RAPGEF1: variants seen among roughly 807,000 people sequenced by gnomAD.
RAPGEF1 encodes CRK SH3-binding GNRP.
Under a neutral mutation model 143.3 loss-of-function variants are expected in RAPGEF1, and 33 were observed. The observed-to-expected ratio is 0.23, with a 90% confidence interval of 0.17 to 0.31. RAPGEF1 has a LOEUF of 0.31. RAPGEF1 is among the 10% of genes least tolerant of loss of function. RAPGEF1 has a pLI of 1.00. For synonymous variants in RAPGEF1, 629 were observed against 676.5 expected, an observed-to-expected ratio of 0.93 and a Z score of 1.09; for missense variants, 1,199 against 1,645.4, an observed-to-expected ratio of 0.73 and a Z score of 4.69.
intron 1 of RAPGEF1, among the ~76,000 whole-genome samples, chr9:131,674,625 G>A (rs1427247754): frequency 6.6e-6 from 1 of 152,194 alleles, no homozygotes; most frequent in East Asian, 1.9e-4. Context: ...GGCGGTGGGC[G>A]CGTGGAGGTG....
At chr9:131,627,815 A>G (rs1963692058) in intron 9 of RAPGEF1, 98 bp downstream of exon 9, 2 of 1,276,844 alleles carry the variant, frequency 1.6e-6, no homozygotes, top group Non-Finnish European at 2.2e-6. Context: ...AAAGCCACGT[A>G]GTCAATGATT....
intron 1 of RAPGEF1, among the ~76,000 whole-genome samples, chr9:131,656,748 T>A (rs1972576580): frequency 6.6e-6 from 1 of 151,736 alleles, no homozygotes; most frequent in Non-Finnish European, 1.5e-5. Context: ...CCCTCTCAGG[T>A]TCATGCAAGG....
intron 10 of RAPGEF1, among the ~76,000 whole-genome samples, chr9:131,622,215 C>G (rs1457732384): frequency 1.3e-5 from 2 of 152,128 alleles, no homozygotes; most frequent in Non-Finnish European, 2.9e-5. Flanking sequence ...ACGCGCAACA[C>G]CAATGGGGAA....
rs183526901 is a variant in RAPGEF1 at position 131,631,670 on chromosome 9, C to T, written c.652-1346G>A. ...CTGAACCAGCGGCTGCCAAGCCTCT[C>T]CAGACTCAAAAAAGCACCACACACA... On this transcript the variant is annotated intron_variant, in intron 5 of 26. Coordinates refer to ENST00000683357, the MANE Select transcript of RAPGEF1 (RefSeq NM_001377935.1). 8.6e-4 allele frequency among the ~76,000 whole-genome samples: 131 copies of T among 152,352 alleles called. 1 individual carries two copies. The Middle Eastern group carries it at 0.014, about 16-fold the overall frequency.
chr9:131,735,948 T>G (rs1349264495), intron 1 of RAPGEF1, among the ~76,000 whole-genome samples: 1 of 152,212 alleles, frequency 6.6e-6, no homozygotes, highest in African/African-American at 2.4e-5. Flanking sequence ...CCAACATATC[T>G]GTGGACTGAA....
At chr9:131,737,987 T>G (rs1369667699) in intron 1 of RAPGEF1, among the ~76,000 whole-genome samples, 1 of 151,886 alleles carries the variant, frequency 6.6e-6, no homozygotes, top group East Asian at 1.9e-4. Context: ...AAAAAAAATT[T>G]TTTTTAAAGT....
intron 1 of RAPGEF1, among the ~76,000 whole-genome samples, chr9:131,703,037 T>G (rs1834778250): frequency 6.6e-6 from 1 of 152,240 alleles, no homozygotes; most frequent in Non-Finnish European, 1.5e-5. Context: ...ACTCATTCAT[T>G]CATTTTAAGA....
At chr9:131,610,446 T>C (rs1376698373) in intron 12 of RAPGEF1, among the ~76,000 whole-genome samples, 1 of 152,256 alleles carries the variant, frequency 6.6e-6, no homozygotes, top group African/African-American at 2.4e-5. Context: ...ATGGATTCAC[T>C]GGCATGGTGA....
chr9:131,670,353 A>G (rs1338122994), intron 1 of RAPGEF1, among the ~76,000 whole-genome samples: 3 of 152,124 alleles, frequency 2.0e-5, no homozygotes, highest in Non-Finnish European at 4.4e-5. Context: ...GGCTAGGATC[A>G]CCACCATCCT....
intron 10 of RAPGEF1, among the ~76,000 whole-genome samples, chr9:131,622,534 C>A: frequency 6.6e-6 from 1 of 152,294 alleles, no homozygotes; most frequent in East Asian, 1.9e-4. Context: ...CTTCCCTGAG[C>A]CACACTGGGG....
At chr9:131,737,243 C>G (rs1564219357) in intron 1 of RAPGEF1, among the ~76,000 whole-genome samples, 1 of 152,158 alleles carries the variant, frequency 6.6e-6, no homozygotes, top group Admixed American at 6.5e-5. Context: ...AATGCATCTT[C>G]CTCCCACACT....
intron 12 of RAPGEF1, among the ~76,000 whole-genome samples, chr9:131,617,040 T>A (rs1024648361): frequency 6.6e-6 from 1 of 152,184 alleles, no homozygotes; most frequent in Non-Finnish European, 1.5e-5. Flanking sequence ...AAGGCTCTTG[T>A]ATGTCCCAGG....
chr9:131,679,562 G>A (rs1338322537), intron 1 of RAPGEF1, among the ~76,000 whole-genome samples: 1 of 152,160 alleles, frequency 6.6e-6, no homozygotes, highest in Admixed American at 6.5e-5. Flanking sequence ...TCGTATTGCC[G>A]CATAATGAAG....
chr9:131,648,410 AAAAAACAAC>A (rs1008302943), intron 3 of RAPGEF1, among the ~76,000 whole-genome samples: 4 of 152,136 alleles, frequency 2.6e-5, no homozygotes, highest in African/African-American at 9.7e-5. Flanking sequence ...CAAACAAACA[AAAAAACAAC>A]AAAAACAACA....
In RAPGEF1 at chr9:131,667,974, T is replaced by C. The variant is rs182749246; in HGVS notation, c.62-17025A>G. ...GCCACCAGACCGTTCAAAAATATAC[T>C]CCTTTTTGGGATAAATGCCACCATC... On this transcript the variant is annotated intron_variant, in intron 1 of 26. Coordinates refer to ENST00000683357, the MANE Select transcript of RAPGEF1 (RefSeq NM_001377935.1). This position sits in a 1 kb window ranked among gnomAD's most constrained non-coding sequence, Gnocchi z 4.6. Among the ~76,000 whole-genome samples the C allele has an allele frequency of 6.6e-6, 1 of 152,314 alleles. No individual in the cohort carries two copies. Among genetic ancestry groups the C allele is most frequent in the East Asian group, 1.9e-4 (1 of 5,190 alleles).
intron 5 of RAPGEF1, among the ~76,000 whole-genome samples, chr9:131,636,240 T>C (rs554827633): frequency 6.6e-6 from 1 of 152,388 alleles, no homozygotes; most frequent in African/African-American, 2.4e-5. Flanking sequence ...TCATATTTCC[T>C]ATTATCTCTC....
At chr9:131,602,255 T>C (rs926530456) in intron 14 of RAPGEF1, 106 bp from the exon 15 acceptor site, 35 of 717,114 alleles carry the variant, frequency 4.9e-5, no homozygotes, top group South Asian at 3.1e-4. Context: ...CAAGTTCCTA[T>C]GGAGCAATCT....
intron 12 of RAPGEF1, among the ~76,000 whole-genome samples, chr9:131,605,958 T>C (rs1396136395): frequency 6.6e-6 from 1 of 152,018 alleles, no homozygotes; most frequent in Admixed American, 6.6e-5. Flanking sequence ...CCTGCAGTTT[T>C]AGCTGCTCTG....
At chr9:131,718,486 G>A (rs1013380173) in intron 1 of RAPGEF1, among the ~76,000 whole-genome samples, 14 of 152,210 alleles carry the variant, frequency 9.2e-5, no homozygotes, top group Admixed American at 2.0e-4. Context: ...GGCAGTCCAG[G>A]GAGAAACGGC....
Sources: gnomAD v4.1 joint callset for allele counts (sites outside exome capture counted in the v4.1 genomes callset) on GRCh38, gnomAD v4.1.1 for gene constraint, Gnocchi (gnomAD v3.1) non-coding constraint, MANE v1.5 for transcripts, NCBI Gene and HGNC (gene_info 2026-07-23, HGNC 2026-07-21) for gene names.